The following MSI2 variants were observed in gnomAD, a reference collection of about 807,000 sequenced individuals.
MSI2 encodes musashi RNA binding protein 2.
In MSI2, 17 loss-of-function variants were observed where a neutral mutation model predicts 45.6. The observed-to-expected ratio is 0.37, with a 90% CI of 0.26 to 0.56. The LOEUF is 0.56. Ranked by LOEUF, MSI2 falls within the 20% of genes least tolerant of loss-of-function variation. MSI2 has a pLI of 0.77. For synonymous variants in MSI2, 156 were observed against 158.2 expected (o/e 0.99, Z 0.11); for missense variants, 293 against 444.2 (o/e 0.66, Z 3.06).
At chr17:57,526,494 A>G (rs1303668358) in intron 6 of MSI2, among the ~76,000 whole-genome samples, 1 of 150,798 alleles carries the variant, frequency 6.6e-6, no homozygotes, top group African/African-American at 2.4e-5. Flanking sequence ...AGTTACCTTA[A>G]CTGTGCCCCT....
chr17:57,430,504 T>C (rs1173459456), intron 6 of MSI2, among the ~76,000 whole-genome samples: 9 of 152,372 alleles, frequency 5.9e-5, no homozygotes, highest in African/African-American at 2.2e-4. Context: ...GTGCTGGTGC[T>C]GCAGGACAGC....
chr17:57,425,954 T>C (rs1225804342), intron 6 of MSI2, among the ~76,000 whole-genome samples: 1 of 152,218 alleles, frequency 6.6e-6, no homozygotes, highest in African/African-American at 2.4e-5. Context: ...CCTCTGAAAT[T>C]TGTCATATGG....
chr17:57,507,554 T>C (rs1052007118), intron 6 of MSI2, among the ~76,000 whole-genome samples: 23 of 152,150 alleles, frequency 1.5e-4, no homozygotes, highest in Admixed American at 1.5e-3. Context: ...GTGGCCAAGA[T>C]TGATTATGCT....
chr17:57,675,306 C>T (rs1913147678), intron 12 of MSI2, among the ~76,000 whole-genome samples, 180 bp downstream of exon 12: 2 of 152,168 alleles, frequency 1.3e-5, no homozygotes, highest in Admixed American at 1.3e-4. Context: ...TCCTGGGTGC[C>T]TCTCGTGTGG....
At chr17:57,287,644 G>A (rs1341406752) in intron 5 of MSI2, among the ~76,000 whole-genome samples, 5 of 152,114 alleles carry the variant, frequency 3.3e-5, no homozygotes, top group East Asian at 3.8e-4. Context: ...TCTGCCTTTC[G>A]GCTCCTACGT....
In MSI2 at chr17:57,627,094, A is replaced by C. The variant is rs1908877981; in HGVS notation, c.653-135A>C. ...AGGTGACCCAGACCCTTAATAAAAA[A>C]ACCCTCATGAGAGACAAATTATTCT... On this transcript the variant is annotated intron_variant, in intron 9 of 13. Coordinates refer to ENST00000284073, the MANE Select transcript of MSI2 (RefSeq NM_138962.4). The surrounding 1 kb of genome is among the most constrained non-coding windows in gnomAD (Gnocchi z 4.6). 7.3e-6 allele frequency: 6 copies of C among 817,274 alleles called. No individual in the cohort carries two copies. The highest frequency in any genetic ancestry group is 3.4e-5 in the African/African-American group (2 of 58,902). The allele number at this position is 817,274 out of a possible 1,614,324, so 50.6% of individuals were successfully genotyped here.
chr17:57,474,071 A>C (rs1206602400), intron 6 of MSI2, among the ~76,000 whole-genome samples: 1 of 152,100 alleles, frequency 6.6e-6, no homozygotes, highest in Non-Finnish European at 1.5e-5. Context: ...ACGGAGGCAG[A>C]TGAGGGGATA....
At chr17:57,339,914 C>T (rs1432301673) in intron 5 of MSI2, among the ~76,000 whole-genome samples, 1 of 152,140 alleles carries the variant, frequency 6.6e-6, no homozygotes, top group African/African-American at 2.4e-5. Context: ...TCCCTGGCCT[C>T]CAGTGTGGCG....
intron 5 of MSI2, among the ~76,000 whole-genome samples, chr17:57,290,038 G>A (rs1910272285): frequency 6.6e-6 from 1 of 152,226 alleles, no homozygotes; most frequent in African/African-American, 2.4e-5. Flanking sequence ...GGGGAGTCTG[G>A]CCTTGGAGAG....
At chr17:57,374,905 G>C (rs1174197608) in intron 5 of MSI2, among the ~76,000 whole-genome samples, 1 of 152,156 alleles carries the variant, frequency 6.6e-6, no homozygotes, top group Non-Finnish European at 1.5e-5. Context: ...CACTAGTCTT[G>C]CCTGCTATGG....
intron 11 of MSI2, among the ~76,000 whole-genome samples, chr17:57,657,362 G>A (rs1042064875): frequency 1.3e-5 from 2 of 152,146 alleles, no homozygotes; most frequent in African/African-American, 4.8e-5. Flanking sequence ...GGCTGGAACT[G>A]TCAGGCTTCA....
intron 6 of MSI2, among the ~76,000 whole-genome samples, chr17:57,439,672 C>A (rs895819606): frequency 6.6e-6 from 1 of 151,986 alleles, no homozygotes; most frequent in African/African-American, 2.4e-5. Flanking sequence ...GATTCTCCTG[C>A]CTCAGCCTCC....
rs189917582 is a variant in MSI2, at chr17:57,508,304, G to A, written c.406-21372G>A. Among the ~76,000 whole-genome samples the A allele has an allele frequency of 3.0e-3, 460 of 152,232 alleles. 3 individuals are homozygous for A. The highest frequency in any genetic ancestry group is 0.01 in the African/African-American group (429 of 41,538). The stretch of plus-strand genomic sequence containing the variant: ...CCTTCCTCTGCTGCCCGTATCCAGC[G>A]CAGACTTCCCGGACCTCCAGCCCCT... On this transcript the variant is annotated intron_variant, in intron 6 of 13. Coordinates refer to ENST00000284073, the MANE Select transcript of MSI2 (RefSeq NM_138962.4).
rs116376106 is a variant in MSI2 at position 57,426,144 on chromosome 17, A to G, written c.405+24673A>G. On this transcript the variant is annotated intron_variant, in intron 6 of 13. Transcript: ENST00000284073. ...GGTTGTGTTTCTGTTTCAGATTGTC[A>G]TCTTGAAACAAAAATGGTGGCAAAT... is the stretch of plus-strand genomic sequence containing the variant. Among the ~76,000 whole-genome samples the G allele has an allele frequency of 5.0e-3, 755 of 152,294 alleles. 3 individuals are homozygous for G. The highest frequency in any genetic ancestry group is 0.016 in the African/African-American group (673 of 41,556).
At chr17:57,477,269 C>T (rs1387552294) in intron 6 of MSI2, among the ~76,000 whole-genome samples, 1 of 151,496 alleles carries the variant, frequency 6.6e-6, no homozygotes, top group African/African-American at 2.4e-5. Flanking sequence ...GTGGGCCCCA[C>T]CGAAGGAATC....
chr17:57,683,434 T>C lies in MSI2; in HGVS notation c.*3917T>C, dbSNP rs1254377196. ...TTTGATCTTTAGTGCAAACGAGGGCTAGGGACTTAGCCTCCTCCACCACCT... is the reference window on the plus strand; with the variant it reads ...TTTGATCTTTAGTGCAAACGAGGGCCAGGGACTTAGCCTCCTCCACCACCT... On this transcript the variant is annotated 3_prime_UTR_variant, in exon 14 of 14. Transcript: ENST00000284073. This position sits in a 1 kb window ranked among gnomAD's most constrained non-coding sequence, Gnocchi z 5.2. The C allele has an allele frequency of 4.4e-6, 1 of 229,262 alleles. No homozygotes were observed. The highest frequency in any genetic ancestry group is 2.2e-5 in the African/African-American group (1 of 45,098). The allele number at this position is 229,262 out of a possible 1,614,324, so 14.2% of individuals were successfully genotyped here.
At chr17:57,524,088 A>C (rs2086649313) in intron 6 of MSI2, among the ~76,000 whole-genome samples, 1 of 152,170 alleles carries the variant, frequency 6.6e-6, no homozygotes, top group South Asian at 2.1e-4. Context: ...CGGCACAGGG[A>C]AGTTGGCCCT....
intron 5 of MSI2, among the ~76,000 whole-genome samples, chr17:57,352,632 G>C (rs1916112120): frequency 1.3e-5 from 2 of 152,242 alleles, no homozygotes; most frequent in Non-Finnish European, 2.9e-5. Flanking sequence ...CTGGAAGAAA[G>C]ATAAAGGGTA....
intron 7 of MSI2, among the ~76,000 whole-genome samples, chr17:57,561,630 A>G (rs2087577822): frequency 6.6e-6 from 1 of 152,174 alleles, no homozygotes; most frequent in African/African-American, 2.4e-5. Flanking sequence ...ATGAGGAAAC[A>G]TGGGCCAGAA....
Sources: gnomAD v4.1 joint callset for allele counts (sites outside exome capture counted in the v4.1 genomes callset) on GRCh38, gnomAD v4.1.1 for gene constraint, Gnocchi (gnomAD v3.1) non-coding constraint, MANE v1.5 for transcripts, NCBI Gene and HGNC (gene_info 2026-07-23, HGNC 2026-07-21) for gene names.